Variants in OSBPL10 observed in about 807,000 individuals in gnomAD.
The protein encoded by OSBPL10 is oxysterol-binding protein-related protein 10.
Under a neutral mutation model 81.7 loss-of-function variants are expected in OSBPL10, and 49 were observed. The ratio of observed to expected loss-of-function variants is 0.60; its 90% CI spans 0.48 to 0.76. The LOEUF (loss-of-function observed/expected upper bound fraction) is 0.76, where lower values mean the gene tolerates loss of function less well. Ranked by LOEUF, OSBPL10 falls within the 30% of genes least tolerant of loss-of-function variation. The probability of loss-of-function intolerance (pLI) is 0.00; values close to 1 mark genes in which losing one functional copy is unlikely to be tolerated. For missense variants in OSBPL10, 923 were observed against 987.8 expected (o/e 0.93, Z 0.88); for synonymous variants, 419 against 383.6 (o/e 1.09, Z -1.08).
At position 32,057,289 on chromosome 3, in the gene OSBPL10, AT is replaced by A. The variant is rs201429768; in HGVS notation, n.186-10687del. On this transcript the variant is annotated intron_variant and non_coding_transcript_variant, in intron 1 of 3. Transcript: ENST00000479173. ...ATTTCACTTTATAGACTTGCCCCCA[AT>A]TTTTTTTTGCGTGAGGTTTAAGAAC... Among the ~76,000 whole-genome samples the A allele has an allele frequency of 4.6e-5, 7 of 150,926 alleles. No individual in the cohort carries two copies. In the East Asian group the frequency reaches 1.2e-3, roughly 25 times the overall value.
chr3:31,879,347 T>C (rs934924484), intron 2 of OSBPL10: 22 of 238,312 alleles, frequency 9.2e-5, no homozygotes, highest in Admixed American at 3.1e-4. Flanking sequence ...TGAAGATTCA[T>C]ACTATTACGT....
chr3:31,924,456 G>A (rs1390222171), intron 1 of OSBPL10, among the ~76,000 whole-genome samples: 2 of 152,072 alleles, frequency 1.3e-5, no homozygotes, highest in African/African-American at 4.8e-5. Context: ...CTGGAAGACA[G>A]AAAAGCCAAG....
At chr3:31,905,149 T>G (rs972105520) in intron 1 of OSBPL10, among the ~76,000 whole-genome samples, 8 of 152,044 alleles carry the variant, frequency 5.3e-5, no homozygotes, top group Admixed American at 4.6e-4. Context: ...AAATACCAAT[T>G]ACTCTGAACA....
chr3:32,047,087 C>T (rs531953521), intron 1 of OSBPL10, among the ~76,000 whole-genome samples: 1 of 152,146 alleles, frequency 6.6e-6, no homozygotes, highest in Non-Finnish European at 1.5e-5. Context: ...GCAACGTCTG[C>T]TAATCTCTGC....
intron 3 of OSBPL10, among the ~76,000 whole-genome samples, chr3:31,843,005 T>TTA (rs1039670329): frequency 6.6e-6 from 1 of 152,168 alleles, no homozygotes; most frequent in Non-Finnish European, 1.5e-5. Flanking sequence ...AATGTGGAAA[T>TTA]TACACGTGCT....
At chr3:31,901,558 A>G (rs151109120) in intron 1 of OSBPL10, among the ~76,000 whole-genome samples, 10 of 152,324 alleles carry the variant, frequency 6.6e-5, no homozygotes, top group African/African-American at 1.7e-4. Context: ...TCCCTTTCTC[A>G]TACCAGATTC....
At chr3:31,753,997 T>C (rs1000451433) in intron 4 of OSBPL10, among the ~76,000 whole-genome samples, 4 of 152,134 alleles carry the variant, frequency 2.6e-5, no homozygotes, top group African/African-American at 9.7e-5. Flanking sequence ...TCTCCAAACA[T>C]CTGAGTGTTG....
intron 11 of OSBPL10, chr3:31,662,327 A>G (rs1700089892): frequency 7.7e-7 from 1 of 1,295,954 alleles, no homozygotes; most frequent in African/African-American, 1.5e-5. Context: ...GCAGGAGGAA[A>G]CCCCAAGAAA....
At chr3:31,925,960 T>C (rs1697061497) in intron 1 of OSBPL10, among the ~76,000 whole-genome samples, 1 of 152,326 alleles carries the variant, frequency 6.6e-6, no homozygotes, top group South Asian at 2.1e-4. Context: ...TTCCTACTGA[T>C]CCATCGAGAC....
chr3:32,029,689 A>G lies in OSBPL10; in HGVS notation n.298+16802T>C, dbSNP rs545130905. 5.9e-5 allele frequency among the ~76,000 whole-genome samples: 9 copies of G among 152,314 alleles called. No homozygotes were observed. In the East Asian group the frequency reaches 1.7e-3, roughly 29 times the overall value. The stretch of plus-strand genomic sequence containing the variant: ...TTCAGCTTGACTACCAAGGAATCTA[A>G]TACTCATGAAAAGAGAGCCAATAAA... On this transcript the variant is annotated intron_variant and non_coding_transcript_variant, in intron 2 of 3. Coordinates refer to the OSBPL10 transcript ENST00000479173.
intron 4 of OSBPL10, among the ~76,000 whole-genome samples, chr3:31,761,199 C>T (rs779097459): frequency 3.9e-5 from 6 of 152,178 alleles, no homozygotes; most frequent in East Asian, 1.9e-4. Flanking sequence ...TTCCGCCAGG[C>T]GCGGTGGCTC....
At chr3:31,727,985 A>G (rs1239815819) in intron 6 of OSBPL10, among the ~76,000 whole-genome samples, 1 of 152,218 alleles carries the variant, frequency 6.6e-6, no homozygotes, top group African/African-American at 2.4e-5. Flanking sequence ...AAGCATGAAA[A>G]TTCTTGACGC....
chr3:31,926,296 C>CCCCCA (rs60410810), intron 1 of OSBPL10, among the ~76,000 whole-genome samples: 1 of 149,072 alleles, frequency 6.7e-6, no homozygotes. Flanking sequence ...TTTGCCCCCC[C>CCCCCA]AGAGGATAGC....
rs558055334 is a variant in OSBPL10 at position 32,018,420 on chromosome 3, C to T, written n.298+28071G>A. Among the ~76,000 whole-genome samples the T allele has an allele frequency of 6.6e-5, 10 of 152,156 alleles. No homozygotes were observed. In the East Asian group the frequency reaches 1.9e-3, roughly 29 times the overall value. Reference sequence around the variant, plus strand: ...TGGTTGAATGGAGATAATTCTAATGCCTGTATGTTTGCTTTAAGAAGACTT... The same window carrying T: ...TGGTTGAATGGAGATAATTCTAATGTCTGTATGTTTGCTTTAAGAAGACTT... On this transcript the variant is annotated intron_variant and non_coding_transcript_variant, in intron 2 of 3. Transcript: ENST00000479173.
chr3:31,959,543 G>A (rs1698103633), intron 1 of OSBPL10, among the ~76,000 whole-genome samples: 1 of 152,160 alleles, frequency 6.6e-6, no homozygotes, highest in Admixed American at 6.5e-5. Flanking sequence ...ACTCAAAGCA[G>A]CTAATACATA....
intron 1 of OSBPL10, among the ~76,000 whole-genome samples, chr3:31,892,639 G>A (rs531061489): frequency 2.4e-4 from 36 of 152,330 alleles, no homozygotes; most frequent in Admixed American, 8.5e-4. Context: ...TCATGCCTGG[G>A]CTGTCCCCAG....
intron 8 of OSBPL10, among the ~76,000 whole-genome samples, chr3:31,679,819 A>C (rs1221314202): frequency 6.6e-6 from 1 of 152,192 alleles, no homozygotes; most frequent in Non-Finnish European, 1.5e-5. Flanking sequence ...ACAGAGCCCC[A>C]GATAAGTCAA....
chr3:32,067,094 C>T (rs561911377), intron 1 of OSBPL10, among the ~76,000 whole-genome samples: 12 of 152,094 alleles, frequency 7.9e-5, no homozygotes, highest in Middle Eastern at 3.4e-3. Context: ...GCTTAAGCAA[C>T]CTTATAAAAA....
At chr3:31,805,149 G>C (rs1699489865) in intron 4 of OSBPL10, among the ~76,000 whole-genome samples, 1 of 152,162 alleles carries the variant, frequency 6.6e-6, no homozygotes, top group Non-Finnish European at 1.5e-5. Context: ...CTTTAAAAAT[G>C]AACCATGCAA....
Sources: gnomAD v4.1 joint callset for allele counts (sites outside exome capture counted in the v4.1 genomes callset) on GRCh38, gnomAD v4.1.1 for gene constraint, MANE v1.5 for transcripts, NCBI Gene and HGNC (gene_info 2026-07-23, HGNC 2026-07-21) for gene names.